ACVR2A: variants seen among roughly 807,000 people sequenced by gnomAD.
ACVR2A encodes activin A receptor type 2A.
ACVR2A carries 7 observed loss-of-function variants against 61.4 expected under a neutral mutation model. The observed-to-expected ratio is 0.11, with a 90% CI of 0.06 to 0.21. The LOEUF is 0.21. ACVR2A is among the 10% of genes least tolerant of loss of function. The pLI, the probability that ACVR2A is intolerant of heterozygous loss-of-function variation, is 1.00. For synonymous variants in ACVR2A, 193 were observed against 208.3 expected (o/e 0.93, Z 0.63); for missense variants, 322 against 621.7 (o/e 0.52, Z 5.13).
chr2:147,921,085 G>GT (rs1687368831), intron 8 of ACVR2A, among the ~76,000 whole-genome samples: 1 of 152,210 alleles, frequency 6.6e-6, no homozygotes, highest in South Asian at 2.1e-4. Flanking sequence ...CCAGGCTGGA[G>GT]TGCAGTGGCA....
intron 9 of ACVR2A, chr2:147,925,779 T>C (rs544104161): frequency 2.6e-6 from 1 of 380,768 alleles, no homozygotes; most frequent in East Asian, 4.4e-5. Flanking sequence ...GCATCCTTTA[T>C]ACCTAGATAA....
intron 1 of ACVR2A, among the ~76,000 whole-genome samples, chr2:147,852,439 T>C (rs1685471248): frequency 6.6e-6 from 1 of 152,112 alleles, no homozygotes; most frequent in African/African-American, 2.4e-5. Flanking sequence ...CCTTATTTCC[T>C]GTATTCAGTA....
chr2:147,860,811 G>C (rs535177738), intron 1 of ACVR2A, among the ~76,000 whole-genome samples: 1 of 152,262 alleles, frequency 6.6e-6, no homozygotes, highest in Non-Finnish European at 1.5e-5. Context: ...GTTTCATAGG[G>C]AATGAGTTTT....
chr2:147,920,625 T>C (rs1687358167), intron 8 of ACVR2A, among the ~76,000 whole-genome samples: 1 of 152,178 alleles, frequency 6.6e-6, no homozygotes, highest in Admixed American at 6.5e-5. Context: ...ACCTCATTCT[T>C]AGGGAATTCT....
At chr2:147,925,779 T>A (rs544104161) in intron 9 of ACVR2A, 1 of 380,650 alleles carries the variant, frequency 2.6e-6, no homozygotes, top group Admixed American at 4.2e-5. Flanking sequence ...GCATCCTTTA[T>A]ACCTAGATAA....
chr2:147,921,921 T>C (rs1222970736), intron 8 of ACVR2A, among the ~76,000 whole-genome samples: 3 of 152,110 alleles, frequency 2.0e-5, no homozygotes, highest in African/African-American at 4.8e-5. Flanking sequence ...TTCAGAAATA[T>C]TTGGAGGGAC....
intron 1 of ACVR2A, among the ~76,000 whole-genome samples, chr2:147,891,415 G>T (rs1480115522): frequency 1.3e-5 from 2 of 151,954 alleles, no homozygotes; most frequent in Non-Finnish European, 1.5e-5. Context: ...CGGACTATTG[G>T]GATTAGGATG....
At position 147,910,342 on chromosome 2, in the gene ACVR2A, CA is replaced by C. The variant is rs551598431; in HGVS notation, c.529-4847del. The stretch of plus-strand genomic sequence containing the variant: ...ATCTCTGAAAACACCTGTATTTAAA[CA>C]AGATCTGAGAGATCCTTGAGCCTTT... On this transcript the variant is annotated intron_variant, in intron 4 of 10. Transcript: ENST00000241416. Among the ~76,000 whole-genome samples, 23 of 152,224 alleles carry C rather than the reference CA, an allele frequency of 1.5e-4. No homozygotes were observed. The South Asian group carries it at 4.6e-3, about 30-fold the overall frequency.
intron 1 of ACVR2A, among the ~76,000 whole-genome samples, chr2:147,868,490 G>A (rs1165435266): frequency 1.3e-5 from 2 of 152,068 alleles, no homozygotes; most frequent in Non-Finnish European, 2.9e-5. Context: ...TTGTTAAAAA[G>A]TAGAAAATAA....
chr2:147,846,741 C>T (rs914147664), intron 1 of ACVR2A, among the ~76,000 whole-genome samples: 3 of 152,204 alleles, frequency 2.0e-5, no homozygotes, highest in African/African-American at 7.2e-5. Context: ...GCTTTTGTGA[C>T]ATGACTTAAC....
rs1297699848 is a variant in ACVR2A at position 147,881,523 on chromosome 2, T to G, written c.56-14778T>G. 1.1e-4 allele frequency among the ~76,000 whole-genome samples: 16 copies of G among 151,646 alleles called. 1 individual carries two copies. The highest frequency in any genetic ancestry group is 1.1e-3 in the Admixed American group (16 of 15,206). ...CTTTAGGTCTTTTTGGAGAAAACAT[T>G]ATAATGGATGTCTAGTTATTTAGTA... is the stretch of plus-strand genomic sequence containing the variant. On this transcript the variant is annotated intron_variant, in intron 1 of 10. Coordinates refer to ENST00000241416, the MANE Select transcript of ACVR2A (RefSeq NM_001616.5).
intron 1 of ACVR2A, among the ~76,000 whole-genome samples, chr2:147,866,350 G>A (rs1362898234): frequency 6.6e-6 from 1 of 152,180 alleles, no homozygotes; most frequent in Non-Finnish European, 1.5e-5. Flanking sequence ...GAACCGCATG[G>A]AGATATTGTT....
At chr2:147,871,196 A>G (rs1025808089) in intron 1 of ACVR2A, among the ~76,000 whole-genome samples, 1 of 152,058 alleles carries the variant, frequency 6.6e-6, no homozygotes, top group African/African-American at 2.4e-5. Flanking sequence ...CTTTATTAAA[A>G]GTCCTCTGGT....
intron 1 of ACVR2A, among the ~76,000 whole-genome samples, chr2:147,881,478 T>C (rs1686296492): frequency 6.6e-6 from 1 of 152,078 alleles, no homozygotes; most frequent in Admixed American, 6.6e-5. Context: ...TATCTGTGAC[T>C]TGAATTTTTT....
chr2:147,901,684 A>G (rs181325909), intron 4 of ACVR2A, among the ~76,000 whole-genome samples: 5 of 152,158 alleles, frequency 3.3e-5, no homozygotes, highest in Non-Finnish European at 7.4e-5. Flanking sequence ...TAAGGAAGAA[A>G]TGTAAAGATT....
intron 1 of ACVR2A, among the ~76,000 whole-genome samples, chr2:147,863,901 A>G (rs1027639610): frequency 1.3e-5 from 2 of 152,350 alleles, no homozygotes; most frequent in Middle Eastern, 3.4e-3. Context: ...TAGAGAATCA[A>G]ATGTTCAAAG....
At chr2:147,866,693 CTG>C (rs1452775593) in intron 1 of ACVR2A, among the ~76,000 whole-genome samples, 2 of 152,106 alleles carry the variant, frequency 1.3e-5, no homozygotes, top group African/African-American at 4.8e-5. Flanking sequence ...ATGCCAAGGA[CTG>C]TGGAAGGGCC....
rs996859023 is a variant in ACVR2A at position 147,928,101 on chromosome 2, T to C, written c.*827T>C. 2 of 152,238 alleles carry C rather than the reference T, an allele frequency of 1.3e-5. No individual in the cohort carries two copies. The highest frequency in any genetic ancestry group is 4.8e-5 in the African/African-American group (2 of 41,390). 9.4% of individuals were successfully genotyped at this position (152,238 alleles called of 1,614,324 possible). On this transcript the variant is annotated 3_prime_UTR_variant, in exon 11 of 11. Transcript: ENST00000241416. ...TGAAAAGATGGTGTCATTTCCCCCT[T>C]CTTCCCATGTTTTAAAGCCCCATCT...
chr2:147,916,009 C>T (rs532336603), intron 5 of ACVR2A, among the ~76,000 whole-genome samples: 3 of 151,946 alleles, frequency 2.0e-5, no homozygotes, highest in Admixed American at 1.3e-4. Flanking sequence ...TTGGTACTGA[C>T]GTCTTGGCTG....
Sources: gnomAD v4.1 joint callset for allele counts (sites outside exome capture counted in the v4.1 genomes callset) on GRCh38, gnomAD v4.1.1 for gene constraint, MANE v1.5 for transcripts, NCBI Gene and HGNC (gene_info 2026-07-23, HGNC 2026-07-21) for gene names.